SIGLEC11: variants seen among roughly 807,000 people sequenced by gnomAD.
SIGLEC11 encodes the protein sialic acid binding Ig like lectin 11, also known as sialic acid-binding Ig-like lectin 11.
In SIGLEC11, 47 loss-of-function variants were observed where a neutral mutation model predicts 61.2. The ratio of observed to expected loss-of-function variants is 0.77; its 90% CI spans 0.61 to 0.98. The LOEUF (loss-of-function observed/expected upper bound fraction) is 0.98. Among genes scored for constraint, SIGLEC11 ranks in the 50% least tolerant of loss-of-function variants. The pLI, the probability that SIGLEC11 is intolerant of heterozygous loss-of-function variation, is 0.00. For missense variants in SIGLEC11, 610 were observed against 870.3 expected (o/e 0.70, Z 3.76); for synonymous variants, 278 against 373.1 (o/e 0.75, Z 2.94).
At position 49,958,477 on chromosome 19, in the gene SIGLEC11, C is replaced by A. The variant is rs200767146; in HGVS notation, c.1457G>T (p.Arg486Leu). The change falls in exon 8 of 11, where the codon CGC becomes CTC. Residue 486 changes from arginine to leucine, a missense_variant. Physicochemically the swap from Arg to Leu is moderately radical, Grantham distance 102. Coordinates refer to ENST00000447370, the MANE Select transcript of SIGLEC11 (RefSeq NM_052884.3). ...SSQASPAPSL[R>L]WWLGEELLEG... ...CAGCAGCTCCTCCCCAAGCCACCAG[C>A]GCAGAGAGGGGGCCGGGCTGGCCTG... 3.0e-5 allele frequency: 48 copies of A among 1,612,274 alleles called. No homozygotes were observed. Among genetic ancestry groups the A allele is most frequent in the Non-Finnish European group, 3.7e-5 (44 of 1,179,480 alleles).
At chr19:49,957,983 T>C (rs946225154) in intron 8 of SIGLEC11, among the ~76,000 whole-genome samples, 18 of 151,792 alleles carry the variant, frequency 1.2e-4, no homozygotes, top group African/African-American at 3.6e-4. Flanking sequence ...AGAGCGAGAC[T>C]CCATCTCAAA....
rs2076159983 is a variant in SIGLEC11 at position 49,951,886 on chromosome 19, C to G, written c.1830+5G>C. The G allele has an allele frequency of 6.3e-7, 1 of 1,589,560 alleles. No individual in the cohort carries two copies. The highest frequency in any genetic ancestry group is 8.6e-7 in the Non-Finnish European group (1 of 1,168,848). On this transcript the variant is annotated splice_donor_5th_base_variant and intron_variant, in intron 10 of 10. Transcript: ENST00000447370. The surrounding 1 kb of genome is among the most constrained non-coding windows in gnomAD (Gnocchi z 4.6). ...GGCCCCAGCAGACAGAGGCTGGGCTCTCACCTGGGAGATGGGTCCCAGGGT... is the reference window on the plus strand; with the variant it reads ...GGCCCCAGCAGACAGAGGCTGGGCTGTCACCTGGGAGATGGGTCCCAGGGT...
intron 9 of SIGLEC11, 37 bp from the exon 10 acceptor site, chr19:49,952,009 G>A: frequency 6.4e-7 from 1 of 1,571,092 alleles, no homozygotes; most frequent in African/African-American, 1.4e-5. Flanking sequence ...CCTCCAGGCT[G>A]GTCCAGAGCC....
In SIGLEC11 at chr19:49,955,358, G is replaced by A. The variant is rs535246824; in HGVS notation, c.1651+2925C>T. ...AAAGGCATAATTCTTACAACTTGCG[G>A]CAGGCATCTACCAAGCCTCTGGGCC... is the stretch of plus-strand genomic sequence containing the variant. On this transcript the variant is annotated intron_variant, in intron 8 of 10. Coordinates refer to ENST00000447370, the MANE Select transcript of SIGLEC11 (RefSeq NM_052884.3). The surrounding 1 kb of genome is among the most constrained non-coding windows in gnomAD (Gnocchi z 4.5). 5.3e-5 allele frequency among the ~76,000 whole-genome samples: 8 copies of A among 151,906 alleles called. No individual in the cohort carries two copies. Among genetic ancestry groups the A allele is most frequent in the Non-Finnish European group, 1.0e-4 (7 of 68,008 alleles).
At position 49,950,118 on chromosome 19, in the gene SIGLEC11, T is replaced by C. The variant is rs780649769; in HGVS notation, c.1949A>G (p.Gln650Arg). Residue 650 changes from glutamine to arginine, a missense_variant, in exon 11 of 11, where the codon CAG (glutamine) becomes CGG (arginine). Gln to Arg is a conservative substitution (Grantham distance 43, BLOSUM62 1). Coordinates refer to ENST00000447370, the MANE Select transcript of SIGLEC11 (RefSeq NM_052884.3). Reference sequence around the variant, plus strand: ...CGCAGGCTCCCAGAGCCTCAGGCCCTGGAAGCTGAGGGAGGCATAGTGGAG... The same window carrying C: ...CGCAGGCTCCCAGAGCCTCAGGCCCCGGAAGCTGAGGGAGGCATAGTGGAG... Reference protein sequence around the residue: ...QELHYASLSFQGLRLWEPADQ... With the variant: ...QELHYASLSFRGLRLWEPADQ... The C allele has an allele frequency of 1.2e-6, 2 of 1,612,702 alleles. No individual in the cohort carries two copies.
rs1434442714 is a variant in SIGLEC11, at chr19:49,955,789, G to T, written c.1651+2494C>A. Reference sequence around the variant, plus strand: ...CTCTAGTAAAAATACAAAAAAATTAGCCGGGCTTGGTGGCGGGCGCCTGTA... The same window carrying T: ...CTCTAGTAAAAATACAAAAAAATTATCCGGGCTTGGTGGCGGGCGCCTGTA... On this transcript the variant is annotated intron_variant, in intron 8 of 10. Coordinates refer to ENST00000447370, the MANE Select transcript of SIGLEC11 (RefSeq NM_052884.3). The surrounding 1 kb of genome is among the most constrained non-coding windows in gnomAD (Gnocchi z 4.5). 2.0e-5 allele frequency among the ~76,000 whole-genome samples: 3 copies of T among 152,092 alleles called. No homozygotes were observed. The East Asian group carries it at 5.8e-4, about 29-fold the overall frequency.
chr19:49,956,541 T>C (rs80225804), intron 8 of SIGLEC11, among the ~76,000 whole-genome samples: 1 of 152,214 alleles, frequency 6.6e-6, no homozygotes, highest in Admixed American at 6.5e-5. Context: ...TTTCTTCCTA[T>C]TCCCACTGCA....
Position 49,950,188 on chromosome 19 carries a change from G to C in SIGLEC11, c.1879C>G (p.Pro627Ala). 6.2e-7 allele frequency: 1 copy of C among 1,605,884 alleles called. No individual in the cohort carries two copies. The highest frequency in any genetic ancestry group is 8.5e-7 in the Non-Finnish European group (1 of 1,177,570). ...SAGSSQDHPP[P>A]GAATYTPGKG... ...CCCGGGGTGTAGGTGGCTGCACCTG[G>C]GGGCGGGTGGTCTTGGGAGCTGCCT... The change falls in exon 11 of 11, where the codon CCA becomes GCA. Residue 627 changes from proline to alanine, a missense_variant. By Grantham distance (27) the Pro-to-Ala change is conservative. Transcript: ENST00000447370.
chr19:49,951,899 T>C lies in SIGLEC11; in HGVS notation c.1822A>G (p.Ile608Val). 6.3e-7 allele frequency: 1 copy of C among 1,599,902 alleles called. No homozygotes were observed. The highest frequency in any genetic ancestry group is 2.3e-5 in the East Asian group (1 of 44,038). Residue 608 changes from isoleucine (I) to valine (V), a missense_variant, in exon 10 of 11, where the codon ATC becomes GTC. By Grantham distance (29) the Ile-to-Val change is conservative. Transcript: ENST00000447370. The surrounding 1 kb of genome is among the most constrained non-coding windows in gnomAD (Gnocchi z 4.6). ...AGAGGCTGGGCTCTCACCTGGGAGA[T>C]GGGTCCCAGGGTGGAGGGCACGTCC... ...EQDVPSTLGP[I>V]SQGHQHECSA...
rs73576651 is a variant in SIGLEC11, at chr19:49,955,103, G to A, written c.1652-2709C>T. ...ATTTGTAGGGCAAGCCCAGGGTGAC[G>A]TCAAGCGGCAGCTGCAGGCATGAAT... On this transcript the variant is annotated intron_variant, in intron 8 of 10. Transcript: ENST00000447370. The surrounding 1 kb of genome is among the most constrained non-coding windows in gnomAD (Gnocchi z 4.5). Among the ~76,000 whole-genome samples, 4,926 of 152,116 alleles carry A rather than the reference G, an allele frequency of 0.032. 271 individuals carry two copies. The highest frequency in any genetic ancestry group is 0.11 in the African/African-American group (4,629 of 41,462).
At chr19:49,956,211 A>C (rs1192659458) in intron 8 of SIGLEC11, among the ~76,000 whole-genome samples, 1 of 152,208 alleles carries the variant, frequency 6.6e-6, no homozygotes, top group Non-Finnish European at 1.5e-5. Flanking sequence ...GGCTCTTAAA[A>C]ACTTCTATTA....
At position 49,955,992 on chromosome 19, in the gene SIGLEC11, A is replaced by G. The variant is rs1037029517; in HGVS notation, c.1651+2291T>C. Among the ~76,000 whole-genome samples the G allele has an allele frequency of 6.6e-6, 1 of 151,940 alleles. No individual in the cohort carries two copies. The highest frequency in any genetic ancestry group is 1.5e-5 in the Non-Finnish European group (1 of 68,016). ...GCCGGGCGCAGTGGCTCACACCTGT[A>G]ATCCTGTTACCAGAGCCCACTCCTT... On this transcript the variant is annotated intron_variant, in intron 8 of 10. Transcript: ENST00000447370. This position sits in a 1 kb window ranked among gnomAD's most constrained non-coding sequence, Gnocchi z 4.5.
chr19:49,958,772 G>T lies in SIGLEC11; in HGVS notation c.1234C>A (p.Pro412Thr). 1 of 1,613,826 alleles carries T rather than the reference G, an allele frequency of 6.2e-7. No individual in the cohort carries two copies. Among genetic ancestry groups the T allele is most frequent in the Non-Finnish European group, 8.5e-7 (1 of 1,179,878 alleles). Residue 412 changes from proline to threonine, a missense_variant, in exon 7 of 11, where the codon CCC becomes ACC. By Grantham distance (38) the Pro-to-Thr change is conservative. Transcript: ENST00000447370. The part of the protein sequence containing the change: ...SWTRWGQTVG[P>T]SQPSDPGVLE... ...ACCCCGGGGTCTGAGGGCTGGGAGG[G>T]GCCCACGGTCTGTCCCCACCGGGTC... is the stretch of plus-strand genomic sequence containing the variant.
chr19:49,959,213 C>T (rs954359890), intron 5 of SIGLEC11, 136 bp from the exon 6 acceptor site: 5 of 1,428,942 alleles, frequency 3.5e-6, no homozygotes, highest in East Asian at 2.3e-5. Flanking sequence ...GAGTCCCAGA[C>T]ACAAACTGCA....
chr19:49,958,423 T>C lies in SIGLEC11; in HGVS notation c.1511A>G (p.Glu504Gly), dbSNP rs774610374. 4.3e-6 allele frequency: 7 copies of C among 1,613,936 alleles called. No homozygotes were observed. The East Asian group carries it at 8.9e-5, about 21-fold the overall frequency. ...LEGNSSQGSF[E>G]VTPSSAGPWA... ...GGGCCCGGCTGAGCTGGGGGTGACCTCGAAGGAGCCCTGACTGCTGTTCCC... is the reference window on the plus strand; with the variant it reads ...GGGCCCGGCTGAGCTGGGGGTGACCCCGAAGGAGCCCTGACTGCTGTTCCC... Residue 504 changes from glutamate (E) to glycine (G), a missense_variant, in exon 8 of 11, where the codon GAG becomes GGG. By Grantham distance (98) the Glu-to-Gly change is moderately conservative. Around this residue, in one of 6 missense-constraint regions of SIGLEC11, gnomAD observed 432 missense variants for 441.5 expected, o/e 0.98. Coordinates refer to ENST00000447370, the MANE Select transcript of SIGLEC11 (RefSeq NM_052884.3).
At chr19:49,952,824 C>T (rs1315935045) in intron 8 of SIGLEC11, among the ~76,000 whole-genome samples, 4 of 152,146 alleles carry the variant, frequency 2.6e-5, no homozygotes, top group African/African-American at 9.7e-5. Flanking sequence ...ACAAGGCCAC[C>T]AGCTATGCAA....
At chr19:49,957,764 G>A (rs184846975) in intron 8 of SIGLEC11, among the ~76,000 whole-genome samples, 45 of 152,340 alleles carry the variant, frequency 3.0e-4, no homozygotes, top group Admixed American at 2.2e-3. Context: ...CACTTTGGGA[G>A]GTCCAGGTGC....
In SIGLEC11 at chr19:49,959,388, C is replaced by T; in HGVS notation, c.1029G>A (p.Gln343=). The change falls in exon 5 of 11, where the codon CAG becomes CAA. Residue 343 remains glutamine (Q), a synonymous_variant. Coordinates refer to ENST00000447370, the MANE Select transcript of SIGLEC11 (RefSeq NM_052884.3). ...TCRAENRLGS[Q]QQALDLSVQY... Reference sequence around the variant, plus strand: ...GCACAGAGAGGTCCAGGGCTTGCTGCTGGGAGCCAAGCCTGTTCTCCGCTC... The same window carrying T: ...GCACAGAGAGGTCCAGGGCTTGCTGTTGGGAGCCAAGCCTGTTCTCCGCTC... 1.9e-6 allele frequency: 3 copies of T among 1,597,124 alleles called. No homozygotes were observed. Among genetic ancestry groups the T allele is most frequent in the Non-Finnish European group, 2.5e-6 (3 of 1,179,354 alleles).
At chr19:49,954,671 A>G (rs1283697744) in intron 8 of SIGLEC11, among the ~76,000 whole-genome samples, 3 of 152,170 alleles carry the variant, frequency 2.0e-5, no homozygotes, top group Non-Finnish European at 4.4e-5. Context: ...CGTCTTTCTG[A>G]CACACAGTCC....
Sources: gnomAD v4.1 joint callset for allele counts (sites outside exome capture counted in the v4.1 genomes callset) on GRCh38, gnomAD v4.1.1 for gene constraint, gnomAD v4.1.1 regional missense constraint, Gnocchi (gnomAD v3.1) non-coding constraint, MANE v1.5 for transcripts, NCBI Gene and HGNC (gene_info 2026-07-23, HGNC 2026-07-21) for gene names.